Variants in ZDHHC13 observed in about 807,000 individuals in gnomAD.
The protein encoded by ZDHHC13 is zDHHC palmitoyltransferase 13.
ZDHHC13 carries 85 observed loss-of-function variants against 86.0 expected under a neutral mutation model. The observed-to-expected ratio is 0.99, with a 90% CI of 0.83 to 1.18. The LOEUF (loss-of-function observed/expected upper bound fraction) is 1.18, where lower values mean the gene tolerates loss of function less well. Ranked by LOEUF, ZDHHC13 falls within the 50% of genes most tolerant of loss-of-function variation. The probability of loss-of-function intolerance (pLI) is 0.00; values close to 1 mark genes in which losing one functional copy is unlikely to be tolerated. For missense variants in ZDHHC13, 711 were observed against 730.2 expected (o/e 0.97, Z 0.30); for synonymous variants, 263 against 246.4 (o/e 1.07, Z -0.63).
chr11:19,122,874 G>A (rs1188553593), intron 1 of ZDHHC13, among the ~76,000 whole-genome samples: 1 of 152,126 alleles, frequency 6.6e-6, no homozygotes, highest in African/African-American at 2.4e-5. Context: ...TCCTCACTTT[G>A]TAGATGATTG....
chr11:19,153,387 G>A (rs1315277516), intron 8 of ZDHHC13, among the ~76,000 whole-genome samples: 1 of 152,162 alleles, frequency 6.6e-6, no homozygotes, highest in Non-Finnish European at 1.5e-5. Flanking sequence ...ACTGTTTCTA[G>A]TGTTTTCAAA....
intron 1 of ZDHHC13, among the ~76,000 whole-genome samples, chr11:19,121,138 G>A (rs1460699835): frequency 6.6e-6 from 1 of 152,158 alleles, no homozygotes; most frequent in Non-Finnish European, 1.5e-5. Context: ...CTTTTCCCAT[G>A]AATTCAAGAC....
rs1038497470 is a variant in ZDHHC13, at chr11:19,157,161, T to C, written c.1007+1232T>C. Among the ~76,000 whole-genome samples the C allele has an allele frequency of 5.9e-5, 9 of 152,376 alleles. No homozygotes were observed. In the South Asian group the frequency reaches 1.9e-3, roughly 32 times the overall value. ...CCTGCTTAGTGAGGCCGTTCCTGAC[T>C]GATGCTGCTGCATCCCTGTTTTATT... On this transcript the variant is annotated intron_variant, in intron 9 of 16. Transcript: ENST00000446113.
chr11:19,144,176 A>G (rs1024277712), intron 2 of ZDHHC13, among the ~76,000 whole-genome samples: 36 of 152,304 alleles, frequency 2.4e-4, no homozygotes, highest in African/African-American at 8.4e-4. Context: ...GATATTGTTT[A>G]TATTTTATTT....
intron 9 of ZDHHC13, among the ~76,000 whole-genome samples, chr11:19,158,712 C>T (rs943971960): frequency 1.5e-4 from 23 of 152,094 alleles, no homozygotes; most frequent in Non-Finnish European, 7.4e-5. Context: ...CTAGAACATA[C>T]ACTTCTTGAG....
chr11:19,172,341 G>T (rs1431404416), intron 15 of ZDHHC13, among the ~76,000 whole-genome samples: 3 of 152,274 alleles, frequency 2.0e-5, no homozygotes, highest in Non-Finnish European at 4.4e-5. Context: ...AAAGTGCTGG[G>T]ATTACAGGCG....
chr11:19,142,586 T>C (rs2133401486), intron 1 of ZDHHC13, among the ~76,000 whole-genome samples: 1 of 152,336 alleles, frequency 6.6e-6, no homozygotes, highest in East Asian at 1.9e-4. Flanking sequence ...AATGGTCCTC[T>C]GCCCACTACA....
At chr11:19,136,254 G>A (rs1195584501) in intron 1 of ZDHHC13, among the ~76,000 whole-genome samples, 2 of 152,152 alleles carry the variant, frequency 1.3e-5, no homozygotes, top group Non-Finnish European at 2.9e-5. Context: ...GAAAACCAAG[G>A]CTCGAGAACT....
chr11:19,130,126 T>G (rs765177853), intron 1 of ZDHHC13, among the ~76,000 whole-genome samples: 43 of 152,190 alleles, frequency 2.8e-4, no homozygotes, highest in Non-Finnish European at 5.1e-4. Context: ...TCTTCTGTTT[T>G]CTGAAGGAGT....
At chr11:19,131,758 C>T (rs1041096130) in intron 1 of ZDHHC13, among the ~76,000 whole-genome samples, 17 of 152,120 alleles carry the variant, frequency 1.1e-4, no homozygotes, top group African/African-American at 3.6e-4. Context: ...CTCAGTCTCT[C>T]GAGCAGCTGA....
At chr11:19,150,691 A>T (rs757264418) in intron 5 of ZDHHC13, 36 bp from the exon 6 acceptor site, 2 of 1,566,938 alleles carry the variant, frequency 1.3e-6, no homozygotes, top group Non-Finnish European at 1.8e-6. Context: ...TTTTGAGTGT[A>T]TTTACAGTTA....
chr11:19,124,482 TATC>T (rs1391915499), intron 1 of ZDHHC13, among the ~76,000 whole-genome samples: 4 of 152,156 alleles, frequency 2.6e-5, no homozygotes, highest in Non-Finnish European at 1.5e-5. Flanking sequence ...ATTAATATGT[TATC>T]ATTTTATGGT....
At chr11:19,164,484 AT>A in intron 12 of ZDHHC13, 121 bp downstream of exon 12, 1 of 919,452 alleles carries the variant, frequency 1.1e-6, no homozygotes, top group Non-Finnish European at 1.7e-6. Context: ...CCCATTTCTA[AT>A]TTTACATTCC....
At chr11:19,153,031 A>G (rs1283107654) in intron 8 of ZDHHC13, among the ~76,000 whole-genome samples, 3 of 152,214 alleles carry the variant, frequency 2.0e-5, no homozygotes, top group African/African-American at 7.2e-5. Flanking sequence ...AGAAGCTTGT[A>G]GGAATAGTTT....
chr11:19,118,932 A>C (rs1166578743), intron 1 of ZDHHC13: 1 of 152,232 alleles, frequency 6.6e-6, no homozygotes, highest in Non-Finnish European at 1.5e-5. Context: ...TTCATTCAGC[A>C]AATGTGTTTT....
chr11:19,175,234 C>T (rs1218052653), intron 16 of ZDHHC13, among the ~76,000 whole-genome samples: 2 of 151,030 alleles, frequency 1.3e-5, no homozygotes, highest in East Asian at 3.9e-4. Flanking sequence ...TAAAAAAATA[C>T]AAAAAATTAG....
At chr11:19,156,607 CTCT>C (rs1278425644) in intron 9 of ZDHHC13, among the ~76,000 whole-genome samples, 14 of 152,216 alleles carry the variant, frequency 9.2e-5, no homozygotes, top group African/African-American at 2.4e-4. Context: ...CACCCCCCAT[CTCT>C]TCTTCTCTCT....
intron 10 of ZDHHC13, among the ~76,000 whole-genome samples, chr11:19,163,011 A>G (rs1849953942): frequency 6.6e-6 from 1 of 152,160 alleles, no homozygotes; most frequent in Non-Finnish European, 1.5e-5. Flanking sequence ...TTACACCATT[A>G]GAGATAAATT....
chr11:19,142,948 A>C, intron 1 of ZDHHC13, 30 bp from the exon 2 acceptor site: 1 of 1,571,910 alleles, frequency 6.4e-7, no homozygotes, highest in Non-Finnish European at 8.7e-7. Context: ...TAATTCTCTC[A>C]TGCTTTGTCA....
Sources: gnomAD v4.1 joint callset for allele counts (sites outside exome capture counted in the v4.1 genomes callset) on GRCh38, gnomAD v4.1.1 for gene constraint, MANE v1.5 for transcripts, NCBI Gene and HGNC (gene_info 2026-07-23, HGNC 2026-07-21) for gene names.